Variants in MPPED2 observed in about 807,000 individuals in gnomAD.
The protein encoded by MPPED2 is metallophosphoesterase domain containing 2, also known as metallophosphoesterase MPPED2.
In MPPED2, 5 loss-of-function variants were observed where a neutral mutation model predicts 33.0. That is an observed-to-expected ratio of 0.15 (90% confidence interval 0.08 to 0.32). The LOEUF is 0.32. Ranked by LOEUF, MPPED2 falls within the 10% of genes least tolerant of loss-of-function variation. MPPED2 has a pLI of 1.00. For missense variants in MPPED2, 275 were observed against 372.1 expected (o/e 0.74, Z 2.15); for synonymous variants, 136 against 141.9 (o/e 0.96, Z 0.29).
At chr11:30,422,959 C>T (rs945870172) in intron 4 of MPPED2, among the ~76,000 whole-genome samples, 7 of 152,310 alleles carry the variant, frequency 4.6e-5, no homozygotes, top group African/African-American at 1.4e-4. Flanking sequence ...AGCACTTGGC[C>T]TCCCTGGGCT....
chr11:30,528,409 C>A (rs1033270274), intron 3 of MPPED2, among the ~76,000 whole-genome samples: 2 of 152,098 alleles, frequency 1.3e-5, no homozygotes, highest in Non-Finnish European at 2.9e-5. Context: ...GCACACACCA[C>A]CACACCTGAC....
At chr11:30,537,951 T>C (rs1954900824) in intron 2 of MPPED2, among the ~76,000 whole-genome samples, 4 of 152,152 alleles carry the variant, frequency 2.6e-5, no homozygotes, top group Admixed American at 2.6e-4. Context: ...TCAGTCTCGG[T>C]GCTTACAATC....
At chr11:30,544,517 T>C (rs1166516988) in intron 2 of MPPED2, among the ~76,000 whole-genome samples, 1 of 152,194 alleles carries the variant, frequency 6.6e-6, no homozygotes, top group Non-Finnish European at 1.5e-5. Context: ...ATTCTGCCAA[T>C]TTACTATTCA....
chr11:30,414,190 G>A (rs768130231), intron 6 of MPPED2, 38 bp downstream of exon 6: 1 of 1,423,576 alleles, frequency 7.0e-7, no homozygotes, highest in Non-Finnish European at 9.9e-7. Flanking sequence ...AGTGGACAGG[G>A]GCACAAAATG....
chr11:30,504,787 A>T (rs1952743772), intron 3 of MPPED2: 2 of 1,289,158 alleles, frequency 1.6e-6, no homozygotes, highest in Non-Finnish European at 2.0e-6. Context: ...TCTCCTCTGA[A>T]ACTCATGCAT....
chr11:30,439,251 G>T (rs533721165), intron 4 of MPPED2, among the ~76,000 whole-genome samples: 1 of 152,194 alleles, frequency 6.6e-6, no homozygotes, highest in South Asian at 2.1e-4. Flanking sequence ...TCTATTTTAG[G>T]CATTTGCTAA....
At chr11:30,424,874 C>T (rs1182589748) in intron 4 of MPPED2, among the ~76,000 whole-genome samples, 1 of 152,174 alleles carries the variant, frequency 6.6e-6, no homozygotes, top group Non-Finnish European at 1.5e-5. Flanking sequence ...CAATTGACAT[C>T]GCTAGGAGAG....
At chr11:30,469,757 A>G (rs955732978) in intron 4 of MPPED2, among the ~76,000 whole-genome samples, 1 of 152,188 alleles carries the variant, frequency 6.6e-6, no homozygotes, top group Non-Finnish European at 1.5e-5. Context: ...TATCATTATC[A>G]TGATCACTCC....
At chr11:30,401,224 C>T (rs961853884) in intron 6 of MPPED2, among the ~76,000 whole-genome samples, 1 of 152,198 alleles carries the variant, frequency 6.6e-6, no homozygotes, top group African/African-American at 2.4e-5. Flanking sequence ...CAGAACAGCA[C>T]CACTGATTTT....
intron 4 of MPPED2, among the ~76,000 whole-genome samples, chr11:30,479,446 G>A (rs1367138338): frequency 1.3e-5 from 2 of 151,964 alleles, no homozygotes; most frequent in Admixed American, 1.3e-4. Flanking sequence ...AGAAGAGTAG[G>A]GGGAGAATCT....
chr11:30,408,171 G>C (rs1427027693), downstream of MPPED2, among the ~76,000 whole-genome samples: 2 of 152,226 alleles, frequency 1.3e-5, no homozygotes, highest in Non-Finnish European at 2.9e-5. Context: ...ACTGTCCCAA[G>C]GGTCAGTGCT....
At chr11:30,571,049 C>T (rs1041213022) in intron 2 of MPPED2, among the ~76,000 whole-genome samples, 3 of 152,086 alleles carry the variant, frequency 2.0e-5, no homozygotes, top group African/African-American at 4.8e-5. Context: ...AACAGAGGAA[C>T]TTCGGTAATG....
At chr11:30,561,391 C>T (rs1956232767) in intron 2 of MPPED2, among the ~76,000 whole-genome samples, 2 of 152,118 alleles carry the variant, frequency 1.3e-5, no homozygotes, top group Non-Finnish European at 1.5e-5. Flanking sequence ...ATGTGAAGTT[C>T]AACAGTCTCA....
chr11:30,502,418 G>A (rs1436550746), intron 3 of MPPED2, among the ~76,000 whole-genome samples: 1 of 152,098 alleles, frequency 6.6e-6, no homozygotes, highest in Non-Finnish European at 1.5e-5. Context: ...GACTTCTCCT[G>A]TATGGGAAAT....
chr11:30,427,644 A>AATGTGT (rs3087062), intron 4 of MPPED2, among the ~76,000 whole-genome samples: 101,032 of 151,360 alleles, frequency 0.67, 35,658 homozygotes, highest in Non-Finnish European at 0.8. Context: ...TTCATGAGAA[A>AATGTGT]ATTCCTTGAT....
chr11:30,580,538 AAAGGGTGTTCTAAGAGACAT>A, intron 1 of MPPED2, 44 bp from the exon 2 acceptor site: 1 of 1,415,406 alleles, frequency 7.1e-7, no homozygotes, highest in Non-Finnish European at 9.2e-7. Context: ...ACAAAGAGAA[AAAGGGTGTTCTAAGAGACAT>A]AAATTTAACA....
At chr11:30,504,135 T>C (rs920376311) in intron 3 of MPPED2, among the ~76,000 whole-genome samples, 9 of 152,198 alleles carry the variant, frequency 5.9e-5, no homozygotes, top group African/African-American at 2.2e-4. Context: ...TAAAGTTACT[T>C]TGTTTCACCC....
intron 2 of MPPED2, 58 bp from the exon 3 acceptor site, chr11:30,536,233 T>C: frequency 7.3e-7 from 1 of 1,370,426 alleles, no homozygotes. Flanking sequence ...CTTGAAATTG[T>C]CGTCGCACAT....
chr11:30,412,752 T>C (rs1010968183), intron 6 of MPPED2, among the ~76,000 whole-genome samples: 3 of 152,222 alleles, frequency 2.0e-5, no homozygotes, highest in African/African-American at 4.8e-5. Flanking sequence ...CAAGTTTATA[T>C]GAATATGATC....
Sources: gnomAD v4.1 joint callset for allele counts (sites outside exome capture counted in the v4.1 genomes callset) on GRCh38, gnomAD v4.1.1 for gene constraint, MANE v1.5 for transcripts, NCBI Gene and HGNC (gene_info 2026-07-23, HGNC 2026-07-21) for gene names.